The following OLFM2 variants were observed in gnomAD, a reference collection of about 807,000 sequenced individuals.
OLFM2 encodes olfactomedin 2, also known as noelin-2.
OLFM2 carries 20 observed loss-of-function variants against 43.9 expected under a neutral mutation model. That is an observed-to-expected ratio of 0.46 (90% confidence interval 0.32 to 0.66). OLFM2 has a LOEUF of 0.66. Among genes scored for constraint, OLFM2 ranks in the 30% least tolerant of loss-of-function variants. OLFM2 has a pLI of 0.04. For synonymous variants in OLFM2, 268 were observed against 278.6 expected (o/e 0.96, Z 0.38); for missense variants, 416 against 643.6 (o/e 0.65, Z 3.83).
intron 1 of OLFM2, among the ~76,000 whole-genome samples, chr19:9,866,401 A>T (rs1313930701): frequency 6.6e-6 from 1 of 152,106 alleles, no homozygotes; most frequent in African/African-American, 2.4e-5. Context: ...TTACAACAGC[A>T]GGTGCAAGAA....
chr19:9,912,159 A>G (rs2046832324), intron 1 of OLFM2, among the ~76,000 whole-genome samples: 1 of 152,074 alleles, frequency 6.6e-6, no homozygotes, highest in Non-Finnish European at 1.5e-5. Context: ...GACATACCCA[A>G]ATAATAAACA....
intron 1 of OLFM2, among the ~76,000 whole-genome samples, chr19:9,870,568 C>T (rs1276887735): frequency 3.3e-5 from 5 of 152,208 alleles, no homozygotes; most frequent in African/African-American, 7.2e-5. Context: ...CTCTCTGGCC[C>T]ATCCTCTCTA....
chr19:9,882,028 C>G (rs2046543888), intron 1 of OLFM2, among the ~76,000 whole-genome samples: 1 of 151,652 alleles, frequency 6.6e-6, no homozygotes, highest in Non-Finnish European at 1.5e-5. Context: ...TGAGCCCAGG[C>G]AATTACTTGA....
chr19:9,913,760 C>T (rs1416753358), intron 1 of OLFM2: 4 of 716,332 alleles, frequency 5.6e-6, no homozygotes, highest in African/African-American at 4.0e-5. Flanking sequence ...GCAGGGGGTC[C>T]GGGACGGGGT....
At chr19:9,935,030 C>A (rs1415950509) in intron 1 of OLFM2, among the ~76,000 whole-genome samples, 1 of 152,158 alleles carries the variant, frequency 6.6e-6, no homozygotes, top group African/African-American at 2.4e-5. Flanking sequence ...CGTGTGGGCT[C>A]AGGAGCCGGA....
intron 1 of OLFM2, among the ~76,000 whole-genome samples, chr19:9,932,563 T>C (rs2086489414): frequency 6.6e-6 from 1 of 151,770 alleles, no homozygotes; most frequent in African/African-American, 2.4e-5. Context: ...AGGGTGAGCC[T>C]CTTGGAGGAG....
chr19:9,933,359 C>T (rs1449822538), intron 1 of OLFM2, among the ~76,000 whole-genome samples: 1 of 152,030 alleles, frequency 6.6e-6, no homozygotes, highest in East Asian at 1.9e-4. Context: ...GCCTCAGCCT[C>T]CTGAATAGCT....
At chr19:9,894,915 C>T (rs767859756) in intron 1 of OLFM2, among the ~76,000 whole-genome samples, 1 of 151,960 alleles carries the variant, frequency 6.6e-6, no homozygotes, top group Non-Finnish European at 1.5e-5. Flanking sequence ...CTTGACCGCT[C>T]CCCCTGCCCC....
intron 1 of OLFM2, among the ~76,000 whole-genome samples, chr19:9,895,336 T>A (rs1011934375): frequency 1.6e-4 from 24 of 150,350 alleles, no homozygotes; most frequent in Admixed American, 5.3e-4. Context: ...AAAAAAAAAA[T>A]TTTTTTTTAA....
chr19:9,919,558 C>T (rs1197415052), intron 1 of OLFM2, among the ~76,000 whole-genome samples: 3 of 152,246 alleles, frequency 2.0e-5, no homozygotes, highest in Middle Eastern at 3.4e-3. Context: ...TCTTGGCTCA[C>T]TGCAACCTTC....
chr19:9,918,059 A>T (rs1403396051), intron 1 of OLFM2, among the ~76,000 whole-genome samples: 3 of 151,596 alleles, frequency 2.0e-5, no homozygotes, highest in African/African-American at 7.3e-5. Flanking sequence ...TTGTATTTTT[A>T]GTAGAGATGG....
At chr19:9,908,751 A>G (rs1404646062) in intron 1 of OLFM2, among the ~76,000 whole-genome samples, 3 of 152,010 alleles carry the variant, frequency 2.0e-5, no homozygotes, top group Non-Finnish European at 4.4e-5. Flanking sequence ...CACTGGGATT[A>G]CAGGTGTGAG....
intron 1 of OLFM2, among the ~76,000 whole-genome samples, chr19:9,922,121 A>G (rs2145003738): frequency 6.6e-6 from 1 of 152,176 alleles, no homozygotes; most frequent in Middle Eastern, 3.4e-3. Context: ...ATGAAATGAA[A>G]TTAAGGAATT....
intron 1 of OLFM2, among the ~76,000 whole-genome samples, chr19:9,893,882 C>T (rs1033945249): frequency 2.0e-5 from 3 of 152,158 alleles, no homozygotes; most frequent in South Asian, 4.1e-4. Flanking sequence ...CAAGACGTTA[C>T]AAGAACCATC....
At chr19:9,880,264 G>T (rs1318877373) in intron 1 of OLFM2, among the ~76,000 whole-genome samples, 1 of 152,158 alleles carries the variant, frequency 6.6e-6, no homozygotes, top group East Asian at 1.9e-4. Flanking sequence ...AGGCAGGGAG[G>T]GCAGAGCATC....
intron 1 of OLFM2, among the ~76,000 whole-genome samples, chr19:9,908,158 C>T (rs1048803198): frequency 1.3e-5 from 2 of 152,152 alleles, no homozygotes; most frequent in African/African-American, 4.8e-5. Flanking sequence ...GGGCCTCCTC[C>T]CTGTTCCTCC....
intron 1 of OLFM2, among the ~76,000 whole-genome samples, chr19:9,878,775 CAG>C (rs1175634274): frequency 6.6e-6 from 1 of 152,184 alleles, no homozygotes. Flanking sequence ...GCAATTATAA[CAG>C]GGTGTGATAA....
rs756244167 is a variant in OLFM2, at chr19:9,854,806, C to T, written c.745G>A (p.Gly249Arg). The change falls in exon 6 of 6, where the codon GGA becomes AGA. Residue 249 changes from glycine (G) to arginine (R), a missense_variant. By Grantham distance (125) the Gly-to-Arg change is moderately radical (BLOSUM62 -2). Transcript: ENST00000264833. This position sits in a 1 kb window ranked among gnomAD's most constrained non-coding sequence, Gnocchi z 9.5. ...AAGTTCTGGCCTTTGATGAAGTCTCCCAGGGTACGGAACTCCAGGACCCGG... is the reference window on the plus strand; with the variant it reads ...AAGTTCTGGCCTTTGATGAAGTCTCTCAGGGTACGGAACTCCAGGACCCGG... ...GRRVLEFRTL[G>R]DFIKGQNFIQ... 1 of 1,608,798 alleles carries T rather than the reference C, an allele frequency of 6.2e-7. No individual in the cohort carries two copies. The highest frequency in any genetic ancestry group is 8.5e-7 in the Non-Finnish European group (1 of 1,176,168).
intron 1 of OLFM2, among the ~76,000 whole-genome samples, chr19:9,919,359 G>T (rs997340290): frequency 3.3e-5 from 5 of 152,014 alleles, no homozygotes; most frequent in African/African-American, 7.2e-5. Context: ...GTGGAGATGG[G>T]GTTTCACTGT....
Sources: gnomAD v4.1 joint callset for allele counts (sites outside exome capture counted in the v4.1 genomes callset) on GRCh38, gnomAD v4.1.1 for gene constraint, Gnocchi (gnomAD v3.1) non-coding constraint, MANE v1.5 for transcripts, NCBI Gene and HGNC (gene_info 2026-07-23, HGNC 2026-07-21) for gene names.